PIGB: variants seen among roughly 807,000 people sequenced by gnomAD.
The protein encoded by PIGB is GPI alpha-1,2-mannosyltransferase 3.
Under a neutral mutation model 68.4 loss-of-function variants are expected in PIGB, and 58 were observed. The ratio of observed to expected loss-of-function variants is 0.85; its 90% confidence interval spans 0.69 to 1.06. The LOEUF (loss-of-function observed/expected upper bound fraction) is 1.06. Ranked by LOEUF, PIGB falls within the 50% of genes least tolerant of loss-of-function variation. The pLI is 0.00. For synonymous variants in PIGB, 219 were observed against 220.5 expected (o/e 0.99, Z 0.06); for missense variants, 634 against 655.8 (o/e 0.97, Z 0.36).
At chr15:55,340,435 G>A (rs956573585) in intron 7 of PIGB, 177 bp from the exon 8 acceptor site, 16 of 349,874 alleles carry the variant, frequency 4.6e-5, no homozygotes, top group African/African-American at 1.2e-4. Context: ...CAGCCTGGGC[G>A]ACAGAGCAAG....
At chr15:55,345,758 TA>T (rs531241455) in intron 9 of PIGB, among the ~76,000 whole-genome samples, 61 of 146,880 alleles carry the variant, frequency 4.2e-4, no homozygotes, top group Non-Finnish European at 4.1e-4. Flanking sequence ...AGATTCTGTC[TA>T]AAAAAAAAAA....
At chr15:55,336,886 A>G (rs1433237766) in intron 6 of PIGB, among the ~76,000 whole-genome samples, 1 of 152,222 alleles carries the variant, frequency 6.6e-6, no homozygotes, top group Non-Finnish European at 1.5e-5. Flanking sequence ...GCTACTTGGG[A>G]GGCTGAGGCA....
In PIGB at chr15:55,350,354, G is replaced by A. The variant is rs992438779; in HGVS notation, c.1124-345G>A. On this transcript the variant is annotated intron_variant, in intron 9 of 11. Coordinates refer to ENST00000164305, the MANE Select transcript of PIGB (RefSeq NM_004855.5). ...TTATTTAGCAACTACTATGTACCAG[G>A]GCAGTCACTGGACATTTTTTCTAAC... The A allele has an allele frequency of 1.1e-4, 29 of 252,222 alleles. No individual in the cohort carries two copies. In the East Asian group the frequency reaches 2.6e-3, roughly 22 times the overall value. 15.6% of individuals were successfully genotyped at this position (252,222 alleles called of 1,614,324 possible).
chr15:55,353,170 A>T (rs888509245), intron 10 of PIGB, among the ~76,000 whole-genome samples: 1 of 152,182 alleles, frequency 6.6e-6, no homozygotes, highest in African/African-American at 2.4e-5. Flanking sequence ...ATAGTTCACC[A>T]AGTTCTCCAC....
intron 5 of PIGB, among the ~76,000 whole-genome samples, chr15:55,330,200 G>A (rs1454353276): frequency 1.3e-5 from 2 of 152,170 alleles, no homozygotes; most frequent in South Asian, 2.1e-4. Flanking sequence ...AGCTGTAATT[G>A]TAAGAGAGTG....
At chr15:55,327,679 T>G (rs1252606212) in intron 4 of PIGB, 44 bp downstream of exon 4, 1 of 1,125,036 alleles carries the variant, frequency 8.9e-7, no homozygotes, top group Non-Finnish European at 1.3e-6. Context: ...GTTATTTCGT[T>G]CCTATGGGTA....
intron 10 of PIGB, among the ~76,000 whole-genome samples, chr15:55,352,175 C>T (rs183297685): frequency 4.6e-5 from 7 of 151,896 alleles, no homozygotes; most frequent in African/African-American, 7.2e-5. Context: ...CTCGAACTCC[C>T]GACCTCAGGT....
At chr15:55,355,208 T>C (rs1359138191) in intron 11 of PIGB, 78 bp from the exon 12 acceptor site, 2 of 1,152,066 alleles carry the variant, frequency 1.7e-6, no homozygotes, top group Non-Finnish European at 2.5e-6. Context: ...GCAATTAGAA[T>C]AGGCAATTCT....
At chr15:55,327,491 G>T in intron 3 of PIGB, 40 bp from the exon 4 acceptor site, 1 of 1,323,606 alleles carries the variant, frequency 7.6e-7, no homozygotes. Flanking sequence ...TGAACCAACA[G>T]ATATTTTTAA....
rs1169432523 is a variant in PIGB at position 55,350,377 on chromosome 15, A to G, written c.1124-322A>G. On this transcript the variant is annotated intron_variant, in intron 9 of 11. Coordinates refer to ENST00000164305, the MANE Select transcript of PIGB (RefSeq NM_004855.5). ...AGGGCAGTCACTGGACATTTTTTCT[A>G]ACACTTGAATAAGGTACTATTATCC... The G allele has an allele frequency of 3.2e-5, 9 of 281,178 alleles. No individual in the cohort carries two copies. In the East Asian group the frequency reaches 6.1e-4, roughly 19 times the overall value. 17.4% of individuals were successfully genotyped at this position (281,178 alleles called of 1,614,324 possible).
chr15:55,345,026 G>C (rs1394730554), intron 9 of PIGB, among the ~76,000 whole-genome samples: 1 of 150,856 alleles, frequency 6.6e-6, no homozygotes, highest in Non-Finnish European at 1.5e-5. Context: ...CTCCAGAGTA[G>C]CTGGAATTAC....
At chr15:55,322,386 C>T (rs2055188416) in intron 3 of PIGB, among the ~76,000 whole-genome samples, 1 of 152,144 alleles carries the variant, frequency 6.6e-6, no homozygotes. Flanking sequence ...TAGGCATCAA[C>T]AGTAAGTAGG....
At chr15:55,347,983 CTTTTTTT>C (rs576991463) in intron 9 of PIGB, among the ~76,000 whole-genome samples, 29 of 93,996 alleles carry the variant, frequency 3.1e-4, no homozygotes, top group African/African-American at 5.0e-4. Context: ...GCCATAGTTT[CTTTTTTT>C]TTTTTTTTTT....
intron 5 of PIGB, 93 bp downstream of exon 5, chr15:55,329,947 A>G (rs757276888): frequency 1.9e-5 from 16 of 850,620 alleles, no homozygotes; most frequent in Non-Finnish European, 2.8e-5. Flanking sequence ...AGACCCCCTA[A>G]TTTTCATGAG....
intron 5 of PIGB, among the ~76,000 whole-genome samples, chr15:55,332,939 C>A (rs2055451941): frequency 1.3e-5 from 2 of 152,128 alleles, no homozygotes; most frequent in African/African-American, 4.8e-5. Flanking sequence ...ATATATATTT[C>A]ACTTGGCTAA....
intron 7 of PIGB, 100 bp from the exon 8 acceptor site, chr15:55,340,512 C>A: frequency 4.5e-6 from 3 of 669,914 alleles, no homozygotes; most frequent in Non-Finnish European, 7.4e-6. Flanking sequence ...TTTTAGACTT[C>A]AATTCTGATT....
chr15:55,347,971 G>C (rs1351121879), intron 9 of PIGB, among the ~76,000 whole-genome samples: 1 of 146,716 alleles, frequency 6.8e-6, no homozygotes, highest in Non-Finnish European at 1.5e-5. Flanking sequence ...TGTATTCCTA[G>C]TGCCATAGTT....
At position 55,355,405 on chromosome 15, in the gene PIGB, G is replaced by A. The variant is rs1376383708; in HGVS notation, c.1638G>A (p.Gly546=). ...ATGTCTATGAACGGAAGTTAAAAGG[G>A]AAATTCAACATGAAGATGAAATTCT... ...HIYVYERKLK[G]KFNMKMKF Residue 546 remains glycine (G), a synonymous_variant, in exon 12 of 12, where the codon GGG becomes GGA. Coordinates refer to ENST00000164305, the MANE Select transcript of PIGB (RefSeq NM_004855.5). 6.2e-7 allele frequency: 1 copy of A among 1,607,248 alleles called. No individual in the cohort carries two copies. The highest frequency in any genetic ancestry group is 8.5e-7 in the Non-Finnish European group (1 of 1,177,380).
chr15:55,319,625 G>C, intron 1 of PIGB: 1 of 457,718 alleles, frequency 2.2e-6, no homozygotes, highest in South Asian at 3.2e-5. Flanking sequence ...CTCTGTATTT[G>C]GCCGACAGGC....
Sources: gnomAD v4.1 joint callset for allele counts (sites outside exome capture counted in the v4.1 genomes callset) on GRCh38, gnomAD v4.1.1 for gene constraint, MANE v1.5 for transcripts, NCBI Gene and HGNC (gene_info 2026-07-23, HGNC 2026-07-21) for gene names.